ITGB6: variants seen among roughly 807,000 people sequenced by gnomAD.
The protein encoded by ITGB6 is integrin subunit beta 6, also known as integrin beta-6.
A neutral mutation model predicts 84.5 loss-of-function variants in ITGB6; 80 were observed. The observed-to-expected ratio is 0.95, with a 90% CI of 0.79 to 1.14. The LOEUF (loss-of-function observed/expected upper bound fraction) is 1.14, where lower values mean the gene tolerates loss of function less well. Among genes scored for constraint, ITGB6 ranks in the 50% most tolerant of loss-of-function variants. The pLI, the probability that ITGB6 is intolerant of heterozygous loss-of-function variation, is 0.00. For missense variants in ITGB6, 1,006 were observed against 968.0 expected, an observed-to-expected ratio of 1.04 and a Z score of -0.52; for synonymous variants, 383 against 354.9, an observed-to-expected ratio of 1.08 and a Z score of -0.89.
In ITGB6 at chr2:160,126,485, C is replaced by G; in HGVS notation, c.1777G>C (p.Gly593Arg). The change falls in exon 11 of 15, where the codon GGG (glycine) becomes CGG (arginine). Residue 593 changes from glycine to arginine, a missense_variant. Transcript: ENST00000283249. ...TTGCCACAAACACAGTCCCCGCGCCCGCTGCAGAGCACTCCATCTTCAGAG... is the reference window on the plus strand; with the variant it reads ...TTGCCACAAACACAGTCCCCGCGCCGGCTGCAGAGCACTCCATCTTCAGAG... ...CVSEDGVLCS[G>R]RGDCVCGKCV... The G allele has an allele frequency of 6.2e-7, 1 of 1,614,182 alleles. No individual in the cohort carries two copies. Among genetic ancestry groups the G allele is most frequent in the Non-Finnish European group, 8.5e-7 (1 of 1,180,030 alleles).
intron 10 of ITGB6, among the ~76,000 whole-genome samples, chr2:160,136,345 A>G (rs1401165443): frequency 6.6e-6 from 1 of 152,182 alleles, no homozygotes; most frequent in African/African-American, 2.4e-5. Context: ...TCAAAACCAC[A>G]ATGAGATACC....
chr2:160,174,511 G>A lies in ITGB6; in HGVS notation c.594-372C>T, dbSNP rs183492579. 7.2e-4 allele frequency among the ~76,000 whole-genome samples: 110 copies of A among 152,224 alleles called. 1 individual carries two copies. The highest frequency in any genetic ancestry group is 4.1e-4 in the Non-Finnish European group (28 of 68,002). ...AATTCCTTTGTATTCTGATATCTCA[G>A]GCTGTCATCAAGTGTGAATCACCCT... On this transcript the variant is annotated intron_variant, in intron 4 of 14. Coordinates refer to ENST00000283249, the MANE Select transcript of ITGB6 (RefSeq NM_000888.5).
chr2:160,126,337 A>G, intron 11 of ITGB6, 42 bp downstream of exon 11: 1 of 1,571,292 alleles, frequency 6.4e-7, no homozygotes, highest in East Asian at 2.2e-5. Context: ...TGATCACTAT[A>G]AACCTATCCA....
intron 6 of ITGB6, among the ~76,000 whole-genome samples, chr2:160,170,753 T>C (rs545127745): frequency 2.6e-5 from 4 of 152,350 alleles, no homozygotes; most frequent in African/African-American, 9.6e-5. Context: ...AGATACGGTC[T>C]CTGGCTTCTG....
intron 7 of ITGB6, among the ~76,000 whole-genome samples, chr2:160,147,931 C>T (rs897140852): frequency 9.9e-5 from 15 of 152,090 alleles, no homozygotes; most frequent in African/African-American, 3.1e-4. Flanking sequence ...TTAGATATAA[C>T]ACCAAAGGCA....
At chr2:160,155,501 T>G (rs1424781081) in intron 7 of ITGB6, among the ~76,000 whole-genome samples, 1 of 152,196 alleles carries the variant, frequency 6.6e-6, no homozygotes, top group Non-Finnish European at 1.5e-5. Context: ...TTATGACACA[T>G]GTACTACCGT....
chr2:160,198,103 A>G (rs1686411308), intron 2 of ITGB6, among the ~76,000 whole-genome samples: 1 of 152,252 alleles, frequency 6.6e-6, no homozygotes, highest in Non-Finnish European at 1.5e-5. Flanking sequence ...TCTCTCTGGC[A>G]TGAAACTAAT....
intron 8 of ITGB6, 37 bp from the exon 9 acceptor site, chr2:160,138,236 A>T (rs1559139419): frequency 6.5e-7 from 1 of 1,542,988 alleles, no homozygotes; most frequent in South Asian, 1.3e-5. Context: ...TGAAGTCACA[A>T]CCCCAAAAAT....
rs117640812 is a variant in ITGB6 at position 160,166,048 on chromosome 2, T to C, written c.1017+3164A>G. Among the ~76,000 whole-genome samples the C allele has an allele frequency of 8.1e-3, 1,237 of 152,336 alleles. 17 individuals carry two copies. The highest frequency in any genetic ancestry group is 0.026 in the Admixed American group (397 of 15,300). On this transcript the variant is annotated intron_variant, in intron 7 of 14. Coordinates refer to ENST00000283249, the MANE Select transcript of ITGB6 (RefSeq NM_000888.5). Reference sequence around the variant, plus strand: ...CTGAGAATCTACTGTGTTTCGAGAATTGGCCTAAACAGATGAGAAAGACCT... The same window carrying C: ...CTGAGAATCTACTGTGTTTCGAGAACTGGCCTAAACAGATGAGAAAGACCT...
rs765295259 is a variant in ITGB6, at chr2:160,195,590, A to G, written c.372T>C (p.His124=). ...RPGGAQTLQV[H]VRQTEDYPVD... ...CCGGGTAGTCCTCAGTCTGGCGGAC[A>G]TGCACCTGCAGAGTCTGCGCACCAC... is the stretch of plus-strand genomic sequence containing the variant. Residue 124 remains histidine (H), a synonymous_variant, in exon 4 of 15, where the codon CAT becomes CAC. Transcript: ENST00000283249. 5.0e-6 allele frequency: 8 copies of G among 1,613,984 alleles called. No individual in the cohort carries two copies. The highest frequency in any genetic ancestry group is 2.2e-5 in the East Asian group (1 of 44,896).
rs1840893 is a variant in ITGB6, at chr2:160,148,651, C to T, written c.1018-6580G>A. Among the ~76,000 whole-genome samples the T allele has an allele frequency of 3.3e-5, 5 of 152,030 alleles. No homozygotes were observed. In the South Asian group the frequency reaches 1.0e-3, roughly 32 times the overall value. On this transcript the variant is annotated intron_variant, in intron 7 of 14. Coordinates refer to ENST00000283249, the MANE Select transcript of ITGB6 (RefSeq NM_000888.5). ...GAGCAGAAGCAGGGCGGGGCATTGCCTCACCCGGGAAGTGCAAAGGGTCAG... is the reference window on the plus strand; with the variant it reads ...GAGCAGAAGCAGGGCGGGGCATTGCTTCACCCGGGAAGTGCAAAGGGTCAG...
chr2:160,131,892 T>TA (rs775170921), intron 10 of ITGB6, among the ~76,000 whole-genome samples: 1 of 152,134 alleles, frequency 6.6e-6, no homozygotes, highest in Non-Finnish European at 1.5e-5. Context: ...TCATGCATGG[T>TA]AAAAAATAAA....
intron 4 of ITGB6, among the ~76,000 whole-genome samples, chr2:160,178,688 C>CTTTTTTTT (rs746675372): frequency 9.6e-6 from 1 of 103,746 alleles, no homozygotes; most frequent in African/African-American, 3.5e-5. Flanking sequence ...CTCTCTCTCT[C>CTTTTTTTT]TTTTTTTTTT....
intron 7 of ITGB6, among the ~76,000 whole-genome samples, chr2:160,145,527 G>C (rs1022332785): frequency 6.6e-6 from 1 of 152,188 alleles, no homozygotes; most frequent in African/African-American, 2.4e-5. Flanking sequence ...TTGTGGAAGA[G>C]AAAGCATAAG....
At chr2:160,192,263 A>G (rs73969110) in intron 4 of ITGB6, among the ~76,000 whole-genome samples, 4,756 of 152,258 alleles carry the variant, frequency 0.031, 199 homozygotes, top group African/African-American at 0.1. Flanking sequence ...TAGTGGTTAC[A>G]TGGGTATATG....
At chr2:160,157,873 G>A (rs986056420) in intron 7 of ITGB6, among the ~76,000 whole-genome samples, 4 of 152,098 alleles carry the variant, frequency 2.6e-5, no homozygotes, top group African/African-American at 9.7e-5. Flanking sequence ...CAGAGCTAGG[G>A]GCGGACTGGG....
At chr2:160,103,071 G>T (rs1696782598) in intron 14 of ITGB6, among the ~76,000 whole-genome samples, 1 of 152,014 alleles carries the variant, frequency 6.6e-6, no homozygotes. Flanking sequence ...GCCCATTACT[G>T]AGTATGTATG....
chr2:160,101,812 C>G lies in ITGB6; in HGVS notation c.2291G>C (p.Gly764Ala), dbSNP rs756002087. 11 of 1,586,576 alleles carry G rather than the reference C, an allele frequency of 6.9e-6. No homozygotes were observed. The highest frequency in any genetic ancestry group is 3.3e-4 in the Middle Eastern group (2 of 6,012). Residue 764 changes from glycine to alanine, a missense_variant, in exon 15 of 15, where the codon GGA becomes GCA. Coordinates refer to ENST00000283249, the MANE Select transcript of ITGB6 (RefSeq NM_000888.5). Reference sequence around the variant, plus strand: ...TACATTTTTAAAAGTACTTGTGGATCCTCTGTAGAGTGGATTGGTTCCCTG... The same window carrying G: ...TACATTTTTAAAAGTACTTGTGGATGCTCTGTAGAGTGGATTGGTTCCCTG... ...WQTGTNPLYR[G>A]STSTFKNVTY...
At chr2:160,187,952 G>C (rs1433384633) in intron 4 of ITGB6, among the ~76,000 whole-genome samples, 2 of 152,088 alleles carry the variant, frequency 1.3e-5, no homozygotes, top group Non-Finnish European at 2.9e-5. Flanking sequence ...AAAATAACTA[G>C]AGATTAGTAA....
Sources: allele counts gnomAD v4.1 joint callset (sites outside exome capture counted in the v4.1 genomes callset), GRCh38; gene constraint gnomAD v4.1.1; transcripts MANE v1.5; gene names NCBI Gene and HGNC (gene_info 2026-07-23, HGNC 2026-07-21).